The following IL6ST variants were observed in gnomAD, a reference collection of about 807,000 sequenced individuals.
IL6ST encodes the protein interleukin-6 receptor subunit beta.
In IL6ST, 24 loss-of-function variants were observed where a neutral mutation model predicts 91.3. The observed-to-expected ratio is 0.26, with a 90% CI of 0.19 to 0.37. IL6ST has a LOEUF of 0.37. IL6ST is among the 10% of genes least tolerant of loss of function. IL6ST has a pLI of 1.00. For synonymous variants in IL6ST, 351 were observed against 373.6 expected, an observed-to-expected ratio of 0.94 and a Z score of 0.70; for missense variants, 914 against 1,078.5, an observed-to-expected ratio of 0.85 and a Z score of 2.14.
In IL6ST at chr5:55,969,753, T is replaced by G. The variant is rs779377073; in HGVS notation, c.167A>C (p.Asp56Ala). Residue 56 changes from aspartate to alanine, a missense_variant, in exon 4 of 17, where the codon GAT becomes GCT. Physicochemically the swap from Asp to Ala is moderately radical, Grantham distance 126 (BLOSUM62 -2). Transcript: ENST00000381298. ...AVCVLKEKCM[D>A]YFHVNANYIV... ...GTAATTAGCATTTACATGAAAATAATCCATACATTTTTCCTTTAGCACACA... is the reference window on the plus strand; with the variant it reads ...GTAATTAGCATTTACATGAAAATAAGCCATACATTTTTCCTTTAGCACACA... 4.3e-6 allele frequency: 7 copies of G among 1,610,986 alleles called. No individual in the cohort carries two copies. Among genetic ancestry groups the G allele is most frequent in the Non-Finnish European group, 5.9e-6 (7 of 1,177,266 alleles).
chr5:55,949,980 G>A (rs1024098553), intron 14 of IL6ST, among the ~76,000 whole-genome samples: 34 of 152,232 alleles, frequency 2.2e-4, no homozygotes, highest in African/African-American at 8.0e-4. Context: ...ATGATGAGGT[G>A]AAGACCTCAC....
chr5:55,969,339 C>G (rs1407689354), intron 4 of IL6ST, among the ~76,000 whole-genome samples: 1 of 151,978 alleles, frequency 6.6e-6, no homozygotes, highest in Non-Finnish European at 1.5e-5. Context: ...GGTCTCATGT[C>G]AAATATTTCT....
chr5:55,974,694 C>T (rs1753171793), intron 3 of IL6ST, among the ~76,000 whole-genome samples: 1 of 152,068 alleles, frequency 6.6e-6, no homozygotes, highest in African/African-American at 2.4e-5. Context: ...CCATGTTGGC[C>T]AGGCTAGTCT....
chr5:55,965,094 A>T (rs1014702079), intron 5 of IL6ST, among the ~76,000 whole-genome samples: 1 of 152,172 alleles, frequency 6.6e-6, no homozygotes, highest in Admixed American at 6.5e-5. Context: ...AATGAAACAT[A>T]TGAACTTGTG....
In IL6ST at chr5:55,941,899, C is replaced by T. The variant is rs10471418; in HGVS notation, c.2020-80G>A. 13,356 of 1,187,944 alleles carry T rather than the reference C, an allele frequency of 0.011. 1,166 individuals carry two copies. In the African/African-American group the frequency reaches 0.18, roughly 16 times the overall value. 73.6% of individuals were successfully genotyped at this position (1,187,944 alleles called of 1,614,324 possible). On this transcript the variant is annotated intron_variant, in intron 16 of 16. Transcript: ENST00000381298. ...ATGCATCTCTGAAACTTCCCAGTAA[C>T]TCTCAGTGGTACAGAAATAACCTGT...
At position 55,940,112 on chromosome 5, in the gene IL6ST, A is replaced by G. The variant is rs1032422744; in HGVS notation, c.*970T>C. ...CTACCCAGTACTCTGAAGTCTTAAG[A>G]AAAGTCAATGATATGTGTGTGTATA... On this transcript the variant is annotated 3_prime_UTR_variant, in exon 17 of 17. Transcript: ENST00000381298. 1 of 139,166 alleles carries G rather than the reference A, an allele frequency of 7.2e-6. No homozygotes were observed. The highest frequency in any genetic ancestry group is 3.1e-5 in the African/African-American group (1 of 32,546). 8.6% of individuals were successfully genotyped at this position (139,166 alleles called of 1,614,324 possible).
chr5:55,942,599 A>AACTGT, intron 16 of IL6ST, 71 bp downstream of exon 16: 1 of 759,136 alleles, frequency 1.3e-6, no homozygotes, highest in Non-Finnish European at 2.3e-6. Flanking sequence ...TATACCTACT[A>AACTGT]ACTGTAGATA....
intron 9 of IL6ST, 33 bp downstream of exon 9, chr5:55,957,176 T>G: frequency 8.7e-7 from 1 of 1,143,068 alleles, no homozygotes; most frequent in Non-Finnish European, 1.3e-6. Flanking sequence ...AAAAAAGATT[T>G]ATAAGAGATA....
Position 55,952,258 on chromosome 5 carries a change from T to G in IL6ST, c.1544A>C (p.Lys515Thr). Residue 515 changes from lysine to threonine, a missense_variant, in exon 12 of 17, where the codon AAA becomes ACA. By Grantham distance (78) the Lys-to-Thr change is moderately conservative. Transcript: ENST00000381298. ...GSPESIKAYL[K>T]QAPPSKGPTV... is the part of the protein sequence containing the mutation. The stretch of plus-strand genomic sequence containing the variant: ...AGTGAGTTTGGACTTACGAGCTTGT[T>G]TAAGGTATGCCTTTATGGATTCAGG... 1 of 1,607,138 alleles carries G rather than the reference T, an allele frequency of 6.2e-7. No homozygotes were observed. Among genetic ancestry groups the G allele is most frequent in the African/African-American group, 1.3e-5 (1 of 74,896 alleles).
intron 12 of IL6ST, 72 bp from the exon 13 acceptor site, chr5:55,952,147 C>T (rs1000813939): frequency 1.3e-6 from 2 of 1,517,108 alleles, no homozygotes; most frequent in African/African-American, 2.8e-5. Flanking sequence ...GTCATAAAAT[C>T]ATTTGAACAT....
Position 55,990,656 on chromosome 5 carries a change from T to C in IL6ST, c.-104+4128A>G, listed in dbSNP as rs549515452. Among the ~76,000 whole-genome samples, 4 of 152,356 alleles carry C rather than the reference T, an allele frequency of 2.6e-5. No homozygotes were observed. In the South Asian group the frequency reaches 8.3e-4, roughly 32 times the overall value. On this transcript the variant is annotated intron_variant, in intron 1 of 16. Transcript: ENST00000381298. ...TTACATTTCATCTTCTTAGATATTC[T>C]GTCTCTGAGTCTTATCAATTTAAGA...
chr5:55,956,293 G>A, intron 9 of IL6ST, 58 bp from the exon 10 acceptor site: 1 of 1,021,088 alleles, frequency 9.8e-7, no homozygotes, highest in South Asian at 1.5e-5. Context: ...TAAAAAATCA[G>A]TTTTTCTTCA....
chr5:55,936,060 T>A lies in IL6ST; in HGVS notation c.*5022A>T. 4.4e-6 allele frequency: 1 copy of A among 228,264 alleles called. No individual in the cohort carries two copies. Among genetic ancestry groups the A allele is most frequent in the Admixed American group, 5.7e-5 (1 of 17,640 alleles). The allele number at this position is 228,264 out of a possible 1,614,324, so 14.1% of individuals were successfully genotyped here. ...TGTGAAGGAGTTACTGTTGGCTGGC[T>A]TGTGGGTTTTTTGACTCACTACATT... is the stretch of plus-strand genomic sequence containing the variant. On this transcript the variant is annotated 3_prime_UTR_variant, in exon 17 of 17. Transcript: ENST00000381298.
Position 55,947,510 on chromosome 5 carries a change from G to A in IL6ST, c.1920C>T (p.Cys640=), listed in dbSNP as rs2111637918. Residue 640 remains cysteine (C), a synonymous_variant, in exon 15 of 17, where the codon TGC becomes TGT. Transcript: ENST00000381298. ...TTACTTACAGGTCTCGCTTATTAAAGCAGAACAGCACTCCCAGAAGAGTTG... is the reference window on the plus strand; with the variant it reads ...TTACTTACAGGTCTCGCTTATTAAAACAGAACAGCACTCCCAGAAGAGTTG... ...LLTTLLGVLF[C]FNKRDLIKKH... is the part of the protein sequence containing the mutation. The A allele has an allele frequency of 6.5e-7, 1 of 1,536,234 alleles. No homozygotes were observed. The highest frequency in any genetic ancestry group is 8.8e-7 in the Non-Finnish European group (1 of 1,136,982).
chr5:55,952,914 A>T (rs1470816979), intron 11 of IL6ST, among the ~76,000 whole-genome samples: 1 of 152,086 alleles, frequency 6.6e-6, no homozygotes, highest in Non-Finnish European at 1.5e-5. Context: ...TACAAAAATT[A>T]GCTGGGCATG....
intron 15 of IL6ST, among the ~76,000 whole-genome samples, chr5:55,946,328 C>A (rs1431487146): frequency 6.6e-6 from 1 of 152,148 alleles, no homozygotes; most frequent in Non-Finnish European, 1.5e-5. Flanking sequence ...CATATACTTA[C>A]CATATGACCC....
At chr5:55,961,702 A>C (rs1032004635) in intron 7 of IL6ST, among the ~76,000 whole-genome samples, 2 of 151,832 alleles carry the variant, frequency 1.3e-5, no homozygotes, top group Non-Finnish European at 2.9e-5. Flanking sequence ...AAGTTGCAGT[A>C]AGCCAAGATC....
chr5:55,940,829 G>A lies in IL6ST; in HGVS notation c.*253C>T, dbSNP rs2111575711. ...GATAAGCTTTCTGTTTTTCTTCAGT[G>A]CAAACATCCTGAAACAGCACAAAAT... On this transcript the variant is annotated 3_prime_UTR_variant, in exon 17 of 17. Coordinates refer to ENST00000381298, the MANE Select transcript of IL6ST (RefSeq NM_002184.4). 3 of 426,332 alleles carry A rather than the reference G, an allele frequency of 7.0e-6. No individual in the cohort carries two copies. In the East Asian group the frequency reaches 1.1e-4, roughly 16 times the overall value. 26.4% of individuals were successfully genotyped at this position (426,332 alleles called of 1,614,324 possible). A position where few individuals can be genotyped will look rare whatever the true frequency, so the allele number is the denominator to read the frequency against.
chr5:55,942,794 TA>T, intron 15 of IL6ST, 43 bp from the exon 16 acceptor site: 1 of 1,032,638 alleles, frequency 9.7e-7, no homozygotes, highest in South Asian at 1.3e-5. Flanking sequence ...CCACACATAA[TA>T]AACAATAAAT....
Sources: allele counts gnomAD v4.1 joint callset (sites outside exome capture counted in the v4.1 genomes callset), GRCh38; gene constraint gnomAD v4.1.1; transcripts MANE v1.5; gene names NCBI Gene and HGNC (gene_info 2026-07-23, HGNC 2026-07-21).